Variants in SLC38A10 observed in about 807,000 individuals in gnomAD.
SLC38A10 encodes the protein Sodium-coupled neutral amino acid transporter 10.
SLC38A10 carries 53 observed loss-of-function variants against 81.0 expected under a neutral mutation model. The ratio of observed to expected loss-of-function variants is 0.65; its 90% CI spans 0.53 to 0.82. The LOEUF is 0.82. Ranked by LOEUF, SLC38A10 falls within the 40% of genes least tolerant of loss-of-function variation. The probability of loss-of-function intolerance (pLI) is 0.00; values close to 1 mark genes in which losing one functional copy is unlikely to be tolerated. For missense variants in SLC38A10, 1,471 were observed against 1,545.0 expected (o/e 0.95, Z 0.80); for synonymous variants, 665 against 655.3 (o/e 1.01, Z -0.23).
At position 81,277,245 on chromosome 17, in the gene SLC38A10, T is replaced by C; in HGVS notation, c.627-112A>G. 1.1e-6 allele frequency: 1 copy of C among 903,744 alleles called. No individual in the cohort carries two copies. Among genetic ancestry groups the C allele is most frequent in the Admixed American group, 2.0e-5 (1 of 49,152 alleles). 56.0% of individuals were successfully genotyped at this position (903,744 alleles called of 1,614,324 possible). ...AGTGAGAGTCTCTGACCTTCCTTCA[T>C]GCAACATTCTCTGCACACTGGAAGT... On this transcript the variant is annotated intron_variant, in intron 6 of 15. Transcript: ENST00000374759. This position sits in a 1 kb window ranked among gnomAD's most constrained non-coding sequence, Gnocchi z 4.5.
At chr17:81,292,554 C>T (rs2063319662) in intron 1 of SLC38A10, among the ~76,000 whole-genome samples, 1 of 152,200 alleles carries the variant, frequency 6.6e-6, no homozygotes, top group South Asian at 2.1e-4. Context: ...TCTCCCTGCG[C>T]CCCAGTCCAA....
chr17:81,245,996 C>A lies in SLC38A10; in HGVS notation c.2920G>T (p.Gly974Cys). The A allele has an allele frequency of 6.2e-7, 1 of 1,605,832 alleles. No individual in the cohort carries two copies. Among genetic ancestry groups the A allele is most frequent in the South Asian group, 1.1e-5 (1 of 90,312 alleles). Residue 974 changes from glycine (G) to cysteine (C), a missense_variant, in exon 16 of 16, where the codon GGC becomes TGC. Transcript: ENST00000374759. The stretch of plus-strand genomic sequence containing the variant: ...TGACCGCCATGGTCCAGCCGGTGGC[C>A]CTGCTGTCCACCCTGCTCGCCATCA... Reference protein sequence around the residue: ...ISDGEQGGQQGHRLDHGGHLE... With the variant: ...ISDGEQGGQQCHRLDHGGHLE...
Position 81,289,856 on chromosome 17 carries a change from C to A in SLC38A10, c.100-48G>T. 1.4e-6 allele frequency: 2 copies of A among 1,461,922 alleles called. No individual in the cohort carries two copies. Among genetic ancestry groups the A allele is most frequent in the Non-Finnish European group, 9.2e-7 (1 of 1,082,932 alleles). 90.6% of individuals were successfully genotyped at this position (1,461,922 alleles called of 1,614,324 possible). A position where few individuals can be genotyped will look rare whatever the true frequency, so the allele number is the denominator to read the frequency against. On this transcript the variant is annotated intron_variant, in intron 1 of 15. Transcript: ENST00000374759. The surrounding 1 kb of genome is among the most constrained non-coding windows in gnomAD (Gnocchi z 5.9). ...CATGTTCACAGCAGCAGGTGCTCCC[C>A]AGAGGCCCTCACCCCACACACGCGG...
At position 81,284,764 on chromosome 17, in the gene SLC38A10, G is replaced by A. The variant is rs973779042; in HGVS notation, c.263+86C>T. 3.2e-5 allele frequency: 34 copies of A among 1,067,290 alleles called. No homozygotes were observed. In the Middle Eastern group the frequency reaches 1.1e-3, roughly 34 times the overall value. 66.1% of individuals were successfully genotyped at this position (1,067,290 alleles called of 1,614,324 possible). On this transcript the variant is annotated intron_variant, in intron 3 of 15. Coordinates refer to ENST00000374759, the MANE Select transcript of SLC38A10 (RefSeq NM_001037984.3). ...AAACCTAAGTTACAGGTGAATCTGG[G>A]GATGAAACTGCCGCTCCCACCGGGA... is the stretch of plus-strand genomic sequence containing the variant.
chr17:81,284,828 G>T (rs1216701634), intron 3 of SLC38A10, 22 bp downstream of exon 3: 1 of 1,514,456 alleles, frequency 6.6e-7, no homozygotes, highest in East Asian at 2.6e-5. Context: ...GGGGGCAAGC[G>T]CAGCGGCAGG....
At chr17:81,285,008 T>C (rs1406032875) in intron 2 of SLC38A10, 113 bp from the exon 3 acceptor site, 6 of 852,262 alleles carry the variant, frequency 7.0e-6, no homozygotes, top group Non-Finnish European at 1.0e-5. Flanking sequence ...CGGGCCCAGA[T>C]TCTCCGGGGC....
chr17:81,245,427 G>A lies in SLC38A10; in HGVS notation c.*129C>T. ...TTATACTGTCACTCACACTTGGTGA[G>A]GGCCTCAGACATGAAACCCTGGGGA... On this transcript the variant is annotated 3_prime_UTR_variant, in exon 16 of 16. Coordinates refer to ENST00000374759, the MANE Select transcript of SLC38A10 (RefSeq NM_001037984.3). 8.8e-7 allele frequency: 1 copy of A among 1,134,804 alleles called. No individual in the cohort carries two copies. The highest frequency in any genetic ancestry group is 1.5e-5 in the South Asian group (1 of 65,744). 70.3% of individuals were successfully genotyped at this position (1,134,804 alleles called of 1,614,324 possible).
chr17:81,292,361 G>A (rs2063318146), intron 1 of SLC38A10, among the ~76,000 whole-genome samples: 1 of 151,796 alleles, frequency 6.6e-6, no homozygotes. Context: ...TCCTGACCTC[G>A]TGATCCACCC....
intron 10 of SLC38A10, among the ~76,000 whole-genome samples, chr17:81,267,760 C>T (rs2063081894): frequency 6.6e-6 from 1 of 152,098 alleles, no homozygotes; most frequent in Non-Finnish European, 1.5e-5. Flanking sequence ...CAACCAAAGA[C>T]ACTGGTAAAC....
At chr17:81,258,937 C>T (rs1288536465) in intron 11 of SLC38A10, among the ~76,000 whole-genome samples, 1 of 152,198 alleles carries the variant, frequency 6.6e-6, no homozygotes, top group East Asian at 1.9e-4. Context: ...AGGCAGGGCT[C>T]CCCTGCCCAC....
chr17:81,254,189 T>C (rs1309820347), intron 11 of SLC38A10, among the ~76,000 whole-genome samples: 1 of 152,024 alleles, frequency 6.6e-6, no homozygotes, highest in African/African-American at 2.4e-5. Context: ...GAGGAAGAAT[T>C]CACACAGAGT....
At chr17:81,247,835 T>G (rs1302145130) in intron 14 of SLC38A10, among the ~76,000 whole-genome samples, 1 of 150,940 alleles carries the variant, frequency 6.6e-6, no homozygotes, top group Non-Finnish European at 1.5e-5. Context: ...AGCAAGACCC[T>G]GTCTCAAAAA....
chr17:81,278,109 C>T (rs959902857), intron 6 of SLC38A10, among the ~76,000 whole-genome samples: 3 of 152,174 alleles, frequency 2.0e-5, no homozygotes, highest in Non-Finnish European at 4.4e-5. Context: ...AATCCCAAAC[C>T]GCCTTGAAGA....
chr17:81,292,689 G>A (rs926889033), intron 1 of SLC38A10, among the ~76,000 whole-genome samples: 3 of 152,196 alleles, frequency 2.0e-5, no homozygotes, highest in Non-Finnish European at 2.9e-5. Context: ...GCAGATGCCC[G>A]GCTAATCAGC....
chr17:81,266,358 G>A (rs1016032363), intron 10 of SLC38A10, among the ~76,000 whole-genome samples: 4 of 152,160 alleles, frequency 2.6e-5, no homozygotes, highest in Non-Finnish European at 5.9e-5. Context: ...GGTGGCTCAC[G>A]CCTGTAATCC....
intron 11 of SLC38A10, among the ~76,000 whole-genome samples, chr17:81,257,557 C>T (rs2062984204): frequency 6.6e-6 from 1 of 152,254 alleles, no homozygotes; most frequent in African/African-American, 2.4e-5. Flanking sequence ...TTCCGAAGGG[C>T]CCTGCCTCCT....
Position 81,277,806 on chromosome 17 carries a change from C to A in SLC38A10, c.627-673G>T, listed in dbSNP as rs1004682824. On this transcript the variant is annotated intron_variant, in intron 6 of 15. Transcript: ENST00000374759. This position sits in a 1 kb window ranked among gnomAD's most constrained non-coding sequence, Gnocchi z 4.5. The stretch of plus-strand genomic sequence containing the variant: ...ACCTGGGCCTCTGGAAAGGGGTGGG[C>A]GAGACGACAAGGGAGAGGCTGGGGC... Among the ~76,000 whole-genome samples, 4 of 152,148 alleles carry A rather than the reference C, an allele frequency of 2.6e-5. No individual in the cohort carries two copies. The highest frequency in any genetic ancestry group is 4.4e-5 in the Non-Finnish European group (3 of 68,036).
At position 81,279,365 on chromosome 17, in the gene SLC38A10, G is replaced by A. The variant is rs577475492; in HGVS notation, c.626+1244C>T. Among the ~76,000 whole-genome samples, 15 of 152,362 alleles carry A rather than the reference G, an allele frequency of 9.8e-5. No individual in the cohort carries two copies. In the South Asian group the frequency reaches 2.5e-3, roughly 25 times the overall value. On this transcript the variant is annotated intron_variant, in intron 6 of 15. Transcript: ENST00000374759. The stretch of plus-strand genomic sequence containing the variant: ...ATCACACAGGCAGGGGGCGCGGCCC[G>A]CCACCCAACAGGGACAGGCACTCTG...
chr17:81,247,314 G>A lies in SLC38A10; in HGVS notation c.2066-253C>T, dbSNP rs1004637684. The A allele has an allele frequency of 9.9e-5, 37 of 373,936 alleles. No homozygotes were observed. The East Asian group carries it at 1.1e-3, about 11-fold the overall frequency. The allele number at this position is 373,936 out of a possible 1,614,324, so 23.2% of individuals were successfully genotyped here. On this transcript the variant is annotated intron_variant, in intron 14 of 15. Coordinates refer to ENST00000374759, the MANE Select transcript of SLC38A10 (RefSeq NM_001037984.3). ...AAGCCCACCCGGGATGGCCTCTCCC[G>A]CACAGCCAGCCACTGTGCCGCATCA...
Sources: allele counts gnomAD v4.1 joint callset (sites outside exome capture counted in the v4.1 genomes callset), GRCh38; gene constraint gnomAD v4.1.1; non-coding constraint Gnocchi (gnomAD v3.1); transcripts MANE v1.5; gene names NCBI Gene and HGNC (gene_info 2026-07-23, HGNC 2026-07-21).